The following DLC1 variants were observed in gnomAD, a reference collection of about 807,000 sequenced individuals.
DLC1 encodes the protein DLC1 Rho GTPase activating protein.
A neutral mutation model predicts 140.3 loss-of-function variants in DLC1; 54 were observed. The ratio of observed to expected loss-of-function variants is 0.38; its 90% CI spans 0.31 to 0.48. DLC1 has a LOEUF of 0.48. DLC1 is among the 20% of genes least tolerant of loss of function. The pLI is 0.96. For missense variants in DLC1, 2,536 were observed against 1,907.0 expected, an observed-to-expected ratio of 1.33 and a Z score of -6.14; for synonymous variants, 986 against 728.1, an observed-to-expected ratio of 1.35 and a Z score of -5.70.
chr8:13,393,163 T>C (rs1479009683), intron 4 of DLC1, among the ~76,000 whole-genome samples: 1 of 152,066 alleles, frequency 6.6e-6, no homozygotes, highest in Non-Finnish European at 1.5e-5. Flanking sequence ...CATCCATCCA[T>C]CATCATCTGT....
intron 5 of DLC1, among the ~76,000 whole-genome samples, chr8:13,134,345 G>A (rs1356316103): frequency 3.3e-5 from 5 of 152,174 alleles, no homozygotes; most frequent in African/African-American, 4.8e-5. Context: ...TTTACTATGT[G>A]CCAAACACAG....
chr8:13,251,939 A>G (rs935482122), intron 5 of DLC1, among the ~76,000 whole-genome samples: 11 of 152,186 alleles, frequency 7.2e-5, no homozygotes, highest in African/African-American at 2.7e-4. Flanking sequence ...ACATTTTTAT[A>G]AAGTTACATA....
At chr8:13,154,842 C>T (rs1178746692) in intron 5 of DLC1, among the ~76,000 whole-genome samples, 1 of 152,152 alleles carries the variant, frequency 6.6e-6, no homozygotes, top group Non-Finnish European at 1.5e-5. Context: ...CTCAATTTTT[C>T]ACTTAGAAAT....
At chr8:13,225,219 G>T (rs1427633868) in intron 5 of DLC1, among the ~76,000 whole-genome samples, 1 of 152,194 alleles carries the variant, frequency 6.6e-6, no homozygotes, top group East Asian at 1.9e-4. Context: ...AGTGATTCTT[G>T]ACAGAGAACA....
intron 2 of DLC1, among the ~76,000 whole-genome samples, chr8:13,467,404 T>A (rs1388894172): frequency 6.6e-6 from 1 of 151,942 alleles, no homozygotes; most frequent in Non-Finnish European, 1.5e-5. Context: ...CCTTTTTCTG[T>A]AGCTATCAAT....
At chr8:13,217,968 G>T (rs912595816) in intron 5 of DLC1, among the ~76,000 whole-genome samples, 2 of 152,032 alleles carry the variant, frequency 1.3e-5, no homozygotes, top group Non-Finnish European at 2.9e-5. Context: ...AACCATTTTA[G>T]CCCTTACATA....
At chr8:13,443,844 T>A (rs191066488) in intron 2 of DLC1, among the ~76,000 whole-genome samples, 6 of 152,264 alleles carry the variant, frequency 3.9e-5, no homozygotes, top group Admixed American at 3.3e-4. Flanking sequence ...TCTTTGCTAT[T>A]AGGCGGCTGT....
At chr8:13,228,749 C>T (rs1320542094) in intron 5 of DLC1, among the ~76,000 whole-genome samples, 1 of 152,114 alleles carries the variant, frequency 6.6e-6, no homozygotes, top group Non-Finnish European at 1.5e-5. Context: ...GACTCTGTCT[C>T]TTTAAAAACA....
intron 5 of DLC1, among the ~76,000 whole-genome samples, chr8:13,176,016 T>C (rs1329345984): frequency 6.6e-6 from 1 of 152,208 alleles, no homozygotes; most frequent in Admixed American, 6.5e-5. Flanking sequence ...TATCTACTTT[T>C]TGGCCACAAA....
At chr8:13,542,229 T>G (rs980945237) in intron 1 of DLC1, among the ~76,000 whole-genome samples, 1 of 152,218 alleles carries the variant, frequency 6.6e-6, no homozygotes, top group African/African-American at 2.4e-5. Context: ...ATTTAGAGAC[T>G]GTCTGTGGTA....
At chr8:13,359,595 T>A (rs1045692836) in intron 4 of DLC1, among the ~76,000 whole-genome samples, 6 of 152,184 alleles carry the variant, frequency 3.9e-5, no homozygotes, top group African/African-American at 1.4e-4. Flanking sequence ...TCCAGTGATG[T>A]GACATTTGTC....
rs180930151 is a variant in DLC1 at position 13,485,213 on chromosome 8, A to T, written c.1023+13836T>A. 2.3e-3 allele frequency among the ~76,000 whole-genome samples: 345 copies of T among 152,238 alleles called. 1 individual carries two copies. The South Asian group carries it at 0.023, about 10-fold the overall frequency. On this transcript the variant is annotated intron_variant, in intron 2 of 17. Transcript: ENST00000276297. Reference sequence around the variant, plus strand: ...ACTATTTTCTCCTACATAGAGACTGACTTTTATTTTTCTTTCCCAAGTCCT... The same window carrying T: ...ACTATTTTCTCCTACATAGAGACTGTCTTTTATTTTTCTTTCCCAAGTCCT...
At chr8:13,444,721 T>C (rs1199821297) in intron 2 of DLC1, among the ~76,000 whole-genome samples, 1 of 152,212 alleles carries the variant, frequency 6.6e-6, no homozygotes, top group Non-Finnish European at 1.5e-5. Context: ...TTTTTTAACA[T>C]TACAAGAATA....
chr8:13,305,975 C>A (rs553734416), intron 4 of DLC1, among the ~76,000 whole-genome samples: 73 of 152,268 alleles, frequency 4.8e-4, no homozygotes, highest in African/African-American at 1.4e-3. Context: ...CATTTCAAAT[C>A]TCTTCCCTGT....
chr8:13,562,047 A>T (rs142304960), intron 1 of DLC1, among the ~76,000 whole-genome samples: 1 of 152,172 alleles, frequency 6.6e-6, no homozygotes, highest in African/African-American at 2.4e-5. Context: ...AAAAAAGGAG[A>T]TAGAACAGGG....
chr8:13,243,218 A>G (rs1285346132), intron 5 of DLC1, among the ~76,000 whole-genome samples: 6 of 141,996 alleles, frequency 4.2e-5, no homozygotes, highest in Non-Finnish European at 9.0e-5. Flanking sequence ...TGAACCCAGG[A>G]GCTGGAGGTT....
At chr8:13,291,899 G>T (rs755083418) in intron 5 of DLC1, among the ~76,000 whole-genome samples, 5 of 152,010 alleles carry the variant, frequency 3.3e-5, no homozygotes, top group Non-Finnish European at 7.4e-5. Context: ...AGGTTTTCCA[G>T]ATGTGGAATT....
intron 5 of DLC1, among the ~76,000 whole-genome samples, chr8:13,284,305 T>C (rs1361477287): frequency 6.6e-6 from 1 of 152,124 alleles, no homozygotes; most frequent in African/African-American, 2.4e-5. Context: ...GGCGAGTGGA[T>C]CACCTAACGT....
chr8:13,458,877 G>A (rs539062672), intron 2 of DLC1, among the ~76,000 whole-genome samples: 4 of 151,088 alleles, frequency 2.6e-5, no homozygotes, highest in Middle Eastern at 3.5e-3. Flanking sequence ...ATCTTAAAAA[G>A]TTTACTTACT....
Sources: allele counts gnomAD v4.1 joint callset (sites outside exome capture counted in the v4.1 genomes callset), GRCh38; gene constraint gnomAD v4.1.1; transcripts MANE v1.5; gene names NCBI Gene and HGNC (gene_info 2026-07-23, HGNC 2026-07-21).